Variants in IGF1R observed in about 807,000 individuals in gnomAD.
IGF1R encodes the protein insulin-like growth factor 1 receptor.
In IGF1R, 44 loss-of-function variants were observed where a neutral mutation model predicts 144.6. The observed-to-expected ratio is 0.30, with a 90% CI of 0.24 to 0.39. The LOEUF is 0.39. Ranked by LOEUF, IGF1R falls within the 10% of genes least tolerant of loss-of-function variation. The pLI, the probability that IGF1R is intolerant of heterozygous loss-of-function variation, is 1.00. For synonymous variants in IGF1R, 795 were observed against 722.8 expected (o/e 1.10, Z -1.60); for missense variants, 1,355 against 1,833.7 (o/e 0.74, Z 4.77).
At position 98,964,215 on chromosome 15, in the gene IGF1R, T is replaced by G. The variant is rs561774925; in HGVS notation, c.*6773T>G. On this transcript the variant is annotated 3_prime_UTR_variant, in exon 21 of 21. Coordinates refer to ENST00000650285, the MANE Select transcript of IGF1R (RefSeq NM_000875.5). Reference sequence around the variant, plus strand: ...TGAGTTTTCTTGTTAAAAAAAAATTTTTTTAAGTAAGAAAAAAAAAGGTAA... The same window carrying G: ...TGAGTTTTCTTGTTAAAAAAAAATTGTTTTAAGTAAGAAAAAAAAAGGTAA... 1 of 232,728 alleles carries G rather than the reference T, an allele frequency of 4.3e-6. No individual in the cohort carries two copies. Among genetic ancestry groups the G allele is most frequent in the South Asian group, 1.8e-4 (1 of 5,510 alleles). 14.4% of individuals were successfully genotyped at this position (232,728 alleles called of 1,614,324 possible).
intron 1 of IGF1R, among the ~76,000 whole-genome samples, chr15:98,689,651 T>A (rs1000936086): frequency 9.2e-5 from 14 of 152,164 alleles, no homozygotes; most frequent in African/African-American, 3.4e-4. Context: ...GGACCTTGCA[T>A]AGTTTAAAGA....
At chr15:98,721,266 T>C (rs2054240757) in intron 2 of IGF1R, among the ~76,000 whole-genome samples, 1 of 152,248 alleles carries the variant, frequency 6.6e-6, no homozygotes, top group African/African-American at 2.4e-5. Flanking sequence ...TGATGGTTTC[T>C]CTGTACTTTT....
chr15:98,778,654 A>G (rs895273258), intron 2 of IGF1R, among the ~76,000 whole-genome samples: 8 of 152,148 alleles, frequency 5.3e-5, no homozygotes. Flanking sequence ...ATAGCTCTCT[A>G]TCTTGGGTGA....
rs549891999 is a variant in IGF1R at position 98,876,584 on chromosome 15, T to G, written c.641-14741T>G. On this transcript the variant is annotated intron_variant, in intron 2 of 20. Transcript: ENST00000650285. ...AAAATAAAATATGAGCCAACAGAAT[T>G]CTGTGGGAATGGCAAGTGTTTTGTT... is the stretch of plus-strand genomic sequence containing the variant. Among the ~76,000 whole-genome samples, 6 of 152,338 alleles carry G rather than the reference T, an allele frequency of 3.9e-5. No individual in the cohort carries two copies. The South Asian group carries it at 1.2e-3, about 32-fold the overall frequency.
At chr15:98,771,676 C>T (rs765392354) in intron 2 of IGF1R, among the ~76,000 whole-genome samples, 2 of 151,974 alleles carry the variant, frequency 1.3e-5, no homozygotes, top group Non-Finnish European at 2.9e-5. Context: ...CCCTGCAGCT[C>T]ACTTATGAAT....
At chr15:98,713,844 A>T (rs1458209728) in intron 2 of IGF1R, among the ~76,000 whole-genome samples, 6 of 152,176 alleles carry the variant, frequency 3.9e-5, no homozygotes, top group African/African-American at 1.4e-4. Flanking sequence ...ACCCATTGGG[A>T]TGAACAGCCT....
intron 2 of IGF1R, among the ~76,000 whole-genome samples, chr15:98,876,980 A>C (rs2013092306): frequency 6.6e-6 from 1 of 152,240 alleles, no homozygotes; most frequent in African/African-American, 2.4e-5. Flanking sequence ...GTAGCATTTA[A>C]GCATAATGTA....
intron 2 of IGF1R, among the ~76,000 whole-genome samples, chr15:98,812,825 G>A (rs2056619387): frequency 1.3e-5 from 2 of 152,014 alleles, no homozygotes; most frequent in South Asian, 4.1e-4. Flanking sequence ...CATTGTCCTT[G>A]GGCTTGTCAT....
At position 98,891,622 on chromosome 15, in the gene IGF1R, G is replaced by A. The variant is rs570009181; in HGVS notation, c.938G>A (p.Arg313His). 2.5e-6 allele frequency: 4 copies of A among 1,601,102 alleles called. No homozygotes were observed. The highest frequency in any genetic ancestry group is 1.3e-5 in the African/African-American group (1 of 75,042). The change falls in exon 3 of 21, where the codon CGC (arginine) becomes CAC (histidine). Residue 313 changes from arginine to histidine, a missense_variant. Physicochemically the swap from Arg to His is conservative, Grantham distance 29 (BLOSUM62 0). Coordinates refer to ENST00000650285, the MANE Select transcript of IGF1R (RefSeq NM_000875.5). This position sits in a 1 kb window ranked among gnomAD's most constrained non-coding sequence, Gnocchi z 4.7. ...CAGGAGTGCCCCTCGGGCTTCATCC[G>A]CAACGGCAGCCAGAGGTCAGTCGCG... ...CMQECPSGFIRNGSQSMYCIP... is the reference protein window; with the variant it reads ...CMQECPSGFIHNGSQSMYCIP...
chr15:98,847,543 G>T (rs985643904), intron 2 of IGF1R, among the ~76,000 whole-genome samples: 1 of 152,136 alleles, frequency 6.6e-6, no homozygotes, highest in Non-Finnish European at 1.5e-5. Flanking sequence ...ATGGAAGTGA[G>T]GATTAATCCA....
rs111243226 is a variant in IGF1R at position 98,899,704 on chromosome 15, C to T, written c.1247+83C>T. The T allele has an allele frequency of 2.9e-5, 39 of 1,358,722 alleles. 1 individual carries two copies. In the African/African-American group the frequency reaches 4.6e-4, roughly 16 times the overall value. The allele number at this position is 1,358,722 out of a possible 1,614,324, so 84.2% of individuals were successfully genotyped here. On this transcript the variant is annotated intron_variant, in intron 5 of 20. Transcript: ENST00000650285. The stretch of plus-strand genomic sequence containing the variant: ...TGAAACTGTGTTGCTGAGGTAAGAG[C>T]CCTCCCTGCCTTGTTAAAGAGAAGA...
At chr15:98,797,969 A>G (rs1247272315) in intron 2 of IGF1R, among the ~76,000 whole-genome samples, 2 of 152,248 alleles carry the variant, frequency 1.3e-5, no homozygotes, top group Non-Finnish European at 2.9e-5. Context: ...ACTGTGAATC[A>G]GCCATGAGAA....
chr15:98,836,317 CCAGG>C (rs1432182311), intron 2 of IGF1R, among the ~76,000 whole-genome samples: 2 of 151,674 alleles, frequency 1.3e-5, no homozygotes, highest in Admixed American at 1.3e-4. Flanking sequence ...TCTCTTAAAG[CCAGG>C]AGTTTGAGAC....
At chr15:98,716,881 C>T (rs375678227) in intron 2 of IGF1R, among the ~76,000 whole-genome samples, 34 of 152,236 alleles carry the variant, frequency 2.2e-4, no homozygotes, top group African/African-American at 7.7e-4. Flanking sequence ...TGGGGCTGGC[C>T]AGGCCTCACC....
At chr15:98,798,838 A>G (rs764770925) in intron 2 of IGF1R, among the ~76,000 whole-genome samples, 2 of 152,154 alleles carry the variant, frequency 1.3e-5, no homozygotes, top group Admixed American at 6.5e-5. Context: ...GCATAGGGAC[A>G]ATGTTAATAA....
rs117612665 is a variant in IGF1R, at chr15:98,701,644, A to C, written c.95-5918A>C. ...ATGAGCCGCCGCACCCGGCCAACCT[A>C]TCCCATATTTTTAAAGAAGAGTTGA... On this transcript the variant is annotated intron_variant, in intron 1 of 20. Coordinates refer to ENST00000650285, the MANE Select transcript of IGF1R (RefSeq NM_000875.5). Among the ~76,000 whole-genome samples the C allele has an allele frequency of 0.013, 1,931 of 152,114 alleles. 109 individuals are homozygous for C. In the East Asian group the frequency reaches 0.16, roughly 13 times the overall value.
At chr15:98,675,735 C>T (rs2053019712) in intron 1 of IGF1R, among the ~76,000 whole-genome samples, 1 of 151,798 alleles carries the variant, frequency 6.6e-6, no homozygotes, top group East Asian at 1.9e-4. Context: ...ATACCTCCTC[C>T]TGTTGACGAT....
chr15:98,792,159 T>A lies in IGF1R; in HGVS notation c.640+84052T>A, dbSNP rs144769804. Among the ~76,000 whole-genome samples, 535 of 152,364 alleles carry A rather than the reference T, an allele frequency of 3.5e-3. 4 individuals are homozygous for A. The highest frequency in any genetic ancestry group is 0.011 in the African/African-American group (462 of 41,586). ...ACACTTAGGTTTCAGGTTTGTTAGG[T>A]ATGCCTGACAGCTCTCTTATCAACT... On this transcript the variant is annotated intron_variant, in intron 2 of 20. Transcript: ENST00000650285.
intron 20 of IGF1R, among the ~76,000 whole-genome samples, chr15:98,954,895 C>T (rs1167110416): frequency 2.0e-5 from 3 of 152,204 alleles, no homozygotes; most frequent in Admixed American, 6.5e-5. Context: ...ACATCTGTGA[C>T]TGTTCCTTGG....
Sources: allele counts gnomAD v4.1 joint callset (sites outside exome capture counted in the v4.1 genomes callset), GRCh38; gene constraint gnomAD v4.1.1; non-coding constraint Gnocchi (gnomAD v3.1); transcripts MANE v1.5; gene names NCBI Gene and HGNC (gene_info 2026-07-23, HGNC 2026-07-21).